Variants in SGMS1 observed in about 807,000 individuals in gnomAD.
SGMS1 encodes sphingomyelin synthase 1, also known as phosphatidylcholine:ceramide cholinephosphotransferase 1.
Under a neutral mutation model 46.2 loss-of-function variants are expected in SGMS1, and 13 were observed. That is an observed-to-expected ratio of 0.28 (90% CI 0.18 to 0.45). The LOEUF is 0.45. SGMS1 is among the 20% of genes least tolerant of loss of function. SGMS1 has a pLI of 1.00. For missense variants in SGMS1, 324 were observed against 519.9 expected (o/e 0.62, Z 3.66); for synonymous variants, 203 against 187.8 (o/e 1.08, Z -0.66).
chr10:50,400,191 C>T (rs149211128), intron 6 of SGMS1, among the ~76,000 whole-genome samples: 6 of 151,660 alleles, frequency 4.0e-5, no homozygotes, highest in African/African-American at 1.5e-4. Flanking sequence ...AAGGTTAGTA[C>T]AGTTGTCAAA....
chr10:50,511,268 C>CACACACGT (rs1837752729), intron 3 of SGMS1, among the ~76,000 whole-genome samples: 1 of 151,598 alleles, frequency 6.6e-6, no homozygotes, highest in African/African-American at 2.4e-5. Flanking sequence ...CACACACACA[C>CACACACGT]ACACACACAC....
chr10:50,572,948 G>A (rs554721974), intron 2 of SGMS1, among the ~76,000 whole-genome samples: 28 of 152,196 alleles, frequency 1.8e-4, no homozygotes, highest in Middle Eastern at 3.4e-3. Flanking sequence ...TTGCACCAGG[G>A]TAAACATTCT....
chr10:50,477,891 T>C (rs1361262938), intron 3 of SGMS1, among the ~76,000 whole-genome samples: 1 of 152,176 alleles, frequency 6.6e-6, no homozygotes, highest in Non-Finnish European at 1.5e-5. Flanking sequence ...CCAACAAAAC[T>C]GTGAGCTGAT....
intron 2 of SGMS1, among the ~76,000 whole-genome samples, chr10:50,564,451 C>T (rs1838270841): frequency 6.6e-6 from 1 of 152,206 alleles, no homozygotes; most frequent in African/African-American, 2.4e-5. Flanking sequence ...AGTTTTTCCT[C>T]TTGGGATCAC....
chr10:50,311,884 T>A (rs1267594709), intron 8 of SGMS1, among the ~76,000 whole-genome samples: 5 of 152,200 alleles, frequency 3.3e-5, no homozygotes, highest in African/African-American at 1.2e-4. Flanking sequence ...GGTAGTCAAA[T>A]ATATGAATAT....
chr10:50,503,607 T>C (rs1199710207), intron 3 of SGMS1, among the ~76,000 whole-genome samples: 1 of 152,190 alleles, frequency 6.6e-6, no homozygotes, highest in Non-Finnish European at 1.5e-5. Flanking sequence ...GCTGACTCTC[T>C]TTTCGGACTC....
rs562939763 is a variant in SGMS1, at chr10:50,613,002, A to G, written c.-684+10705T>C. Among the ~76,000 whole-genome samples the G allele has an allele frequency of 4.6e-5, 7 of 152,306 alleles. No individual in the cohort carries two copies. In the East Asian group the frequency reaches 7.7e-4, roughly 17 times the overall value. ...TCTTAAGTACTCTTGTAACTCCCCAAGTAGTTTTGAAGTGCAGTCCCAGCT... is the reference window on the plus strand; with the variant it reads ...TCTTAAGTACTCTTGTAACTCCCCAGGTAGTTTTGAAGTGCAGTCCCAGCT... On this transcript the variant is annotated intron_variant, in intron 1 of 10. Transcript: ENST00000361781.
At chr10:50,487,979 T>TTTTTATTTTA (rs539440966) in intron 3 of SGMS1, among the ~76,000 whole-genome samples, 1 of 147,348 alleles carries the variant, frequency 6.8e-6, no homozygotes, top group Non-Finnish European at 1.5e-5. Flanking sequence ...TTTTATTTTG[T>TTTTTATTTTA]TTTTATTTTA....
chr10:50,377,915 C>T (rs1186736322), intron 6 of SGMS1, among the ~76,000 whole-genome samples: 1 of 152,174 alleles, frequency 6.6e-6, no homozygotes, highest in Non-Finnish European at 1.5e-5. Flanking sequence ...CTCCCTCTGC[C>T]CCTGTCTTAT....
intron 1 of SGMS1, among the ~76,000 whole-genome samples, chr10:50,620,001 T>C (rs1015837013): frequency 6.6e-6 from 1 of 152,238 alleles, no homozygotes; most frequent in Non-Finnish European, 1.5e-5. Context: ...TGTTTATCTG[T>C]GGAGATGGAG....
rs573910791 is a variant in SGMS1, at chr10:50,322,817, C to T, written c.741+4388G>A. ...ACTGCAGTCCGCAGTCCGGCCTGGG[C>T]GACAGAGCGAGACTCCGTCTCAAAA... On this transcript the variant is annotated intron_variant, in intron 8 of 10. Transcript: ENST00000361781. Among the ~76,000 whole-genome samples the T allele has an allele frequency of 6.6e-5, 8 of 120,894 alleles. No individual in the cohort carries two copies. The East Asian group carries it at 2.1e-3, about 32-fold the overall frequency. The allele number at this position is 120,894 out of a possible 152,430, so 79.3% of individuals were successfully genotyped here. A position where few individuals can be genotyped will look rare whatever the true frequency, so the allele number is the denominator to read the frequency against.
chr10:50,328,676 T>C (rs2133318507), intron 7 of SGMS1, among the ~76,000 whole-genome samples: 1 of 152,354 alleles, frequency 6.6e-6, no homozygotes, highest in East Asian at 1.9e-4. Context: ...TGGGTCAGAA[T>C]TATTTACGAT....
At chr10:50,480,808 T>C (rs1364039483) in intron 3 of SGMS1, among the ~76,000 whole-genome samples, 4 of 152,104 alleles carry the variant, frequency 2.6e-5, no homozygotes, top group African/African-American at 9.7e-5. Flanking sequence ...GAGGCCCTAG[T>C]CAGCTGTTTT....
At chr10:50,449,331 G>A (rs1837070397) in intron 5 of SGMS1, among the ~76,000 whole-genome samples, 1 of 152,156 alleles carries the variant, frequency 6.6e-6, no homozygotes, top group Non-Finnish European at 1.5e-5. Context: ...AGCTTCCTAA[G>A]ATGAACAATG....
intron 1 of SGMS1, among the ~76,000 whole-genome samples, chr10:50,622,799 C>T (rs1254846331): frequency 6.6e-6 from 1 of 152,262 alleles, no homozygotes; most frequent in Non-Finnish European, 1.5e-5. Context: ...ACGCTCCAGG[C>T]TGAATCCGTT....
chr10:50,488,513 T>C (rs1371873258), intron 3 of SGMS1, among the ~76,000 whole-genome samples: 1 of 152,198 alleles, frequency 6.6e-6, no homozygotes, highest in Non-Finnish European at 1.5e-5. Flanking sequence ...ATATCGGGCT[T>C]TTTAATCAGT....
intron 2 of SGMS1, among the ~76,000 whole-genome samples, chr10:50,571,925 C>T (rs1402480531): frequency 6.6e-6 from 1 of 152,092 alleles, no homozygotes; most frequent in Non-Finnish European, 1.5e-5. Context: ...CTAGATCTGT[C>T]CCATCTGTTT....
At chr10:50,514,989 C>T (rs1386189592) in intron 3 of SGMS1, among the ~76,000 whole-genome samples, 6 of 152,194 alleles carry the variant, frequency 3.9e-5, no homozygotes, top group Non-Finnish European at 8.8e-5. Flanking sequence ...ATACAACAAG[C>T]ACTCACATAT....
intron 7 of SGMS1, chr10:50,341,435 C>T (rs907739962): frequency 6.6e-6 from 3 of 455,898 alleles, no homozygotes; most frequent in African/African-American, 2.0e-5. Flanking sequence ...TCCCACATCC[C>T]TATCCCGCCA....
Sources: gnomAD v4.1 joint callset for allele counts (sites outside exome capture counted in the v4.1 genomes callset) on GRCh38, gnomAD v4.1.1 for gene constraint, MANE v1.5 for transcripts, NCBI Gene and HGNC (gene_info 2026-07-23, HGNC 2026-07-21) for gene names.